BAHD1: variants seen among roughly 807,000 people sequenced by gnomAD.
BAHD1 encodes bromo adjacent homology domain containing 1.
BAHD1 carries 20 observed loss-of-function variants against 63.1 expected under a neutral mutation model. The ratio of observed to expected loss-of-function variants is 0.32; its 90% confidence interval spans 0.22 to 0.46. BAHD1 has a LOEUF of 0.46. BAHD1 is among the 20% of genes least tolerant of loss of function. BAHD1 has a pLI of 1.00. For missense variants in BAHD1, 939 were observed against 1,071.8 expected (o/e 0.88, Z 1.73); for synonymous variants, 408 against 426.8 (o/e 0.96, Z 0.54).
At chr15:40,448,412 G>C (rs1003530190) in intron 1 of BAHD1, among the ~76,000 whole-genome samples, 34 of 152,308 alleles carry the variant, frequency 2.2e-4, no homozygotes, top group Non-Finnish European at 3.8e-4. Flanking sequence ...GAACGTGCAA[G>C]TTATCTTGCA....
rs3743145 is a variant in BAHD1, at chr15:40,466,138, A to T, written c.*8A>T. ...CTTAAGAACCCCCAGTAGCCTCCTC[A>T]TGCCCATGCTGGGGCTACCCATGGG... On this transcript the variant is annotated 3_prime_UTR_variant, in exon 7 of 7. Coordinates refer to ENST00000416165, the MANE Select transcript of BAHD1 (RefSeq NM_014952.5). 4 of 1,609,744 alleles carry T rather than the reference A, an allele frequency of 2.5e-6. No individual in the cohort carries two copies. The East Asian group carries it at 8.9e-5, about 36-fold the overall frequency.
At chr15:40,448,993 C>T (rs368598062) in intron 1 of BAHD1, among the ~76,000 whole-genome samples, 13 of 151,956 alleles carry the variant, frequency 8.6e-5, no homozygotes, top group East Asian at 1.9e-4. Context: ...TTAGTAGAGA[C>T]GGCTAATTTT....
At chr15:40,441,734 C>T (rs1050089699) in intron 1 of BAHD1, among the ~76,000 whole-genome samples, 1 of 149,606 alleles carries the variant, frequency 6.7e-6, no homozygotes, top group Non-Finnish European at 1.5e-5. Flanking sequence ...GCGCCCCCTC[C>T]CCCATCGCGG....
At chr15:40,442,813 CTT>C (rs948492361) in intron 1 of BAHD1, among the ~76,000 whole-genome samples, 7 of 152,286 alleles carry the variant, frequency 4.6e-5, no homozygotes, top group Admixed American at 4.6e-4. Flanking sequence ...CCACCTGAGA[CTT>C]TCCTCCCTAC....
intron 1 of BAHD1, among the ~76,000 whole-genome samples, chr15:40,456,347 G>A (rs755327265): frequency 1.1e-4 from 16 of 152,190 alleles, no homozygotes; most frequent in South Asian, 2.1e-4. Flanking sequence ...AGAGACTTAC[G>A]GAGCCTAGCA....
chr15:40,441,544 C>T (rs1449813542), intron 1 of BAHD1, among the ~76,000 whole-genome samples: 2 of 149,998 alleles, frequency 1.3e-5, no homozygotes, highest in South Asian at 4.1e-4. Flanking sequence ...AGGTGACAGC[C>T]CCCGGGGGCC....
At chr15:40,440,662 C>G (rs1424518422), upstream of BAHD1, among the ~76,000 whole-genome samples, 1 of 152,080 alleles carries the variant, frequency 6.6e-6, no homozygotes, top group East Asian at 1.9e-4. Flanking sequence ...TCCAAGAAGC[C>G]GGCAAAGAAA....
chr15:40,461,218 TCG>T (rs1422392574), intron 2 of BAHD1, among the ~76,000 whole-genome samples: 1 of 152,154 alleles, frequency 6.6e-6, no homozygotes, highest in Non-Finnish European at 1.5e-5. Flanking sequence ...GTTAATGTGT[TCG>T]TAAGAAAACC....
upstream of BAHD1, among the ~76,000 whole-genome samples, chr15:40,439,467 T>C (rs1566956093): frequency 1.3e-5 from 2 of 152,180 alleles, no homozygotes; most frequent in African/African-American, 2.4e-5. Flanking sequence ...GCGCTGTGTG[T>C]GGTGCAGGAG....
rs761210978 is a variant in BAHD1, at chr15:40,458,939, C to T, written c.475C>T (p.Arg159Cys). ...GDPHRSRDRD[R>C]ATGGWSSSKK... The stretch of plus-strand genomic sequence containing the variant: ...TCCCCACCGCAGCCGTGACCGTGAT[C>T]GTGCTACTGGGGGCTGGTCCTCCTC... The change falls in exon 2 of 7, where the codon CGT (arginine) becomes TGT (cysteine). Residue 159 changes from arginine to cysteine, a missense_variant. This residue lies in a region of BAHD1 where 797 missense variants were observed against 813.3 expected (regional missense o/e 0.98). Transcript: ENST00000416165. This position sits in a 1 kb window ranked among gnomAD's most constrained non-coding sequence, Gnocchi z 4.7. 1.9e-5 allele frequency: 30 copies of T among 1,594,000 alleles called. No individual in the cohort carries two copies. Among genetic ancestry groups the T allele is most frequent in the Admixed American group, 1.5e-4 (9 of 58,262 alleles).
chr15:40,451,516 C>T (rs1034177762), intron 1 of BAHD1, among the ~76,000 whole-genome samples: 3 of 152,258 alleles, frequency 2.0e-5, no homozygotes, highest in African/African-American at 7.2e-5. Context: ...GTATTGAGAA[C>T]CTGCTGTATT....
In BAHD1 at chr15:40,462,524, CAT is replaced by C. The variant is rs1356343439; in HGVS notation, c.1815+232_1815+233del. On this transcript the variant is annotated intron_variant, in intron 3 of 6. Coordinates refer to ENST00000416165, the MANE Select transcript of BAHD1 (RefSeq NM_014952.5). ...CCAGGGAGGTCAGGAGACACACAGT[CAT>C]AGCTGGTGGCTGCCATCTCGGTGAG... Among the ~76,000 whole-genome samples, 6 of 152,220 alleles carry C rather than the reference CAT, an allele frequency of 3.9e-5. No homozygotes were observed. The South Asian group carries it at 1.2e-3, about 32-fold the overall frequency.
rs764703132 is a variant in BAHD1, at chr15:40,459,006, G to A, written c.542G>A (p.Arg181Gln). ...PRLGDLGGGS[R>Q]DLSPEPAPDE... ...CTGGGGGACCTTGGAGGAGGAAGTC[G>A]GGACCTGTCTCCAGAGCCAGCACCC... The change falls in exon 2 of 7, where the codon CGG (arginine) becomes CAG (glutamine). Residue 181 changes from arginine (R) to glutamine (Q), a missense_variant. This residue lies in a region of BAHD1 where 797 missense variants were observed against 813.3 expected (regional missense o/e 0.98). Coordinates refer to ENST00000416165, the MANE Select transcript of BAHD1 (RefSeq NM_014952.5). 5.9e-5 allele frequency: 94 copies of A among 1,588,896 alleles called. No homozygotes were observed. The East Asian group carries it at 7.4e-4, about 13-fold the overall frequency.
intron 2 of BAHD1, among the ~76,000 whole-genome samples, 166 bp downstream of exon 2, chr15:40,460,062 G>A (rs1893993352): frequency 6.6e-6 from 1 of 152,138 alleles, no homozygotes; most frequent in African/African-American, 2.4e-5. Flanking sequence ...CCCAAGCCGA[G>A]GAGCATTCCC....
chr15:40,438,288 C>T (rs1171979898), upstream of BAHD1, among the ~76,000 whole-genome samples: 1 of 152,184 alleles, frequency 6.6e-6, no homozygotes, highest in Admixed American at 6.5e-5. Context: ...GCAGAGGTCC[C>T]TGAAAGTTGG....
At chr15:40,439,084 C>T (rs1016840687), upstream of BAHD1, among the ~76,000 whole-genome samples, 2 of 152,138 alleles carry the variant, frequency 1.3e-5, no homozygotes, top group Admixed American at 6.5e-5. Context: ...GGGGCGCTGC[C>T]GGGAACCTCT....
chr15:40,462,744 GTACTT>G (rs1446800355), intron 3 of BAHD1, among the ~76,000 whole-genome samples: 3 of 152,156 alleles, frequency 2.0e-5, no homozygotes, highest in African/African-American at 4.8e-5. Context: ...TGTAATCCCA[GTACTT>G]TAGGTGGTGG....
In BAHD1 at chr15:40,462,208, C is replaced by T. The variant is rs201568757; in HGVS notation, c.1729C>T (p.Arg577Cys). ...CCACCCCAAGCAGCCACGTGTCCAG[C>T]GCCCACGCCCTCGCCGCCGCCGTCG... ...PSHPKQPRVQ[R>C]PRPRRRRRRR... Residue 577 changes from arginine (R) to cysteine (C), a missense_variant, in exon 3 of 7, where the codon CGC becomes TGC. Physicochemically the swap from Arg to Cys is radical, Grantham distance 180. Transcript: ENST00000416165. 8.7e-6 allele frequency: 14 copies of T among 1,611,802 alleles called. No individual in the cohort carries two copies. The highest frequency in any genetic ancestry group is 6.7e-5 in the African/African-American group (5 of 75,008).
intron 1 of BAHD1, among the ~76,000 whole-genome samples, chr15:40,452,714 G>A (rs1034126003): frequency 2.6e-5 from 4 of 152,144 alleles, no homozygotes; most frequent in African/African-American, 4.8e-5. Flanking sequence ...TCAGCCCGGC[G>A]TGAAGCACCT....
Sources: gnomAD v4.1 joint callset for allele counts (sites outside exome capture counted in the v4.1 genomes callset) on GRCh38, gnomAD v4.1.1 for gene constraint, gnomAD v4.1.1 regional missense constraint, Gnocchi (gnomAD v3.1) non-coding constraint, MANE v1.5 for transcripts, NCBI Gene and HGNC (gene_info 2026-07-23, HGNC 2026-07-21) for gene names.